LY75: variants seen among roughly 807,000 people sequenced by gnomAD.
LY75 encodes lymphocyte antigen 75.
In LY75, 185 loss-of-function variants were observed where a neutral mutation model predicts 231.7. The observed-to-expected ratio is 0.80, with a 90% CI of 0.71 to 0.90. LY75 has a LOEUF of 0.90. Among genes scored for constraint, LY75 ranks in the 40% least tolerant of loss-of-function variants. The pLI is 0.00. For missense variants in LY75, 1,947 were observed against 2,050.2 expected (o/e 0.95, Z 0.97); for synonymous variants, 668 against 689.0 (o/e 0.97, Z 0.48).
intron 18 of LY75, 144 bp from the exon 19 acceptor site, chr2:159,853,841 A>G (rs748747900): frequency 1.6e-5 from 17 of 1,071,090 alleles, no homozygotes; most frequent in East Asian, 1.3e-4. Context: ...ACAAACTAGA[A>G]CCTTTTGCCA....
intron 23 of LY75, among the ~76,000 whole-genome samples, chr2:159,844,345 T>G (rs931221790): frequency 5.8e-5 from 8 of 137,138 alleles, no homozygotes; most frequent in African/African-American, 2.2e-4. Flanking sequence ...AAAAAAAAAC[T>G]ATATGGCAAT....
intron 28 of LY75, among the ~76,000 whole-genome samples, chr2:159,829,634 G>C (rs1263412564): frequency 6.7e-5 from 6 of 89,966 alleles, no homozygotes; most frequent in African/African-American, 1.1e-4. Flanking sequence ...CCTTGTATAG[G>C]GGCCAAAAAA....
intron 7 of LY75, 155 bp from the exon 8 acceptor site, chr2:159,881,395 G>A: frequency 3.9e-6 from 2 of 514,440 alleles, no homozygotes; most frequent in Non-Finnish European, 5.0e-6. Flanking sequence ...CAGGCAGGTT[G>A]GGTAATGAAG....
At chr2:159,874,223 A>T (rs1302925051) in intron 12 of LY75, among the ~76,000 whole-genome samples, 2 of 25,952 alleles carry the variant, frequency 7.7e-5, no homozygotes, top group Non-Finnish European at 1.2e-4. Flanking sequence ...AATATATATA[A>T]ATATATTGTA....
intron 31 of LY75, among the ~76,000 whole-genome samples, chr2:159,811,715 G>C (rs1682967795): frequency 6.6e-6 from 1 of 152,140 alleles, no homozygotes; most frequent in Non-Finnish European, 1.5e-5. Flanking sequence ...GTGGCCCTTA[G>C]TTCCTTCTGC....
chr2:159,835,494 C>A lies in LY75; in HGVS notation c.3659G>T (p.Cys1220Phe), dbSNP rs1683790541. The change falls in exon 26 of 35, where the codon TGC becomes TTC. Residue 1220 changes from cysteine (C) to phenylalanine (F), a missense_variant. Physicochemically the swap from Cys to Phe is radical, Grantham distance 205. Coordinates refer to ENST00000263636, the MANE Select transcript of LY75 (RefSeq NM_002349.4). Reference sequence around the variant, plus strand: ...AATTCACATACTTCCTGAATAGTAGCAAATAGCACCTGGTTGATTGTCATT... The same window carrying A: ...AATTCACATACTTCCTGAATAGTAGAAAATAGCACCTGGTTGATTGTCATT... ...DCNDNQPGAI[C>F]YYSGNETEKE... is the part of the protein sequence containing the mutation. 2 of 1,602,816 alleles carry A rather than the reference C, an allele frequency of 1.2e-6. No homozygotes were observed. Among genetic ancestry groups the A allele is most frequent in the Non-Finnish European group, 1.7e-6 (2 of 1,175,728 alleles).
In LY75 at chr2:159,878,431, A is replaced by T. The variant is rs746056395; in HGVS notation, c.1667T>A (p.Phe556Tyr). ...KKYDKSLRKY[F>Y]WTGLRDVDSC... ...ATCTACATCTCTCAGGCCAGTCCAG[A>T]AGTATTTTCTTAGAGATTTATCATA... Residue 556 changes from phenylalanine (F) to tyrosine (Y), a missense_variant, in exon 11 of 35, where the codon TTC (phenylalanine) becomes TAC (tyrosine). Phe to Tyr is a conservative substitution (Grantham distance 22). Transcript: ENST00000263636. 3 of 1,614,076 alleles carry T rather than the reference A, an allele frequency of 1.9e-6. No individual in the cohort carries two copies. In the East Asian group the frequency reaches 6.7e-5, roughly 36 times the overall value.
At chr2:159,844,507 T>TG (rs1257570926) in intron 23 of LY75, among the ~76,000 whole-genome samples, 3 of 152,098 alleles carry the variant, frequency 2.0e-5, no homozygotes, top group African/African-American at 7.2e-5. Context: ...TCTACAATGG[T>TG]GGCTACTACT....
At chr2:159,843,090 T>A (rs1367964601) in intron 23 of LY75, among the ~76,000 whole-genome samples, 1 of 152,052 alleles carries the variant, frequency 6.6e-6, no homozygotes, top group Non-Finnish European at 1.5e-5. Context: ...TATTATTAAA[T>A]ATATTCTCTT....
In LY75 at chr2:159,860,763, C is replaced by T. The variant is rs1168564545; in HGVS notation, c.2268+58G>A. On this transcript the variant is annotated intron_variant, in intron 15 of 34. Coordinates refer to ENST00000263636, the MANE Select transcript of LY75 (RefSeq NM_002349.4). ...GACACTCCATGGATCTGTTACTTGA[C>T]TGCATATGATGATGGACTTATGTTT... 8 of 1,593,450 alleles carry T rather than the reference C, an allele frequency of 5.0e-6. No individual in the cohort carries two copies. The African/African-American group carries it at 9.4e-5, about 19-fold the overall frequency.
intron 28 of LY75, among the ~76,000 whole-genome samples, chr2:159,823,252 T>C (rs745596387): frequency 6.6e-5 from 10 of 152,002 alleles, no homozygotes; most frequent in Non-Finnish European, 1.2e-4. Context: ...AGAAGAACAT[T>C]AGTGACCTGA....
chr2:159,885,142 G>A lies in LY75; in HGVS notation c.1054+11C>T. On this transcript the variant is annotated intron_variant, in intron 6 of 34. Coordinates refer to ENST00000263636, the MANE Select transcript of LY75 (RefSeq NM_002349.4). ...TATTTGTCTATTTGTATGAGTATGT[G>A]AGAAAGATACCTGTTAACTCCACTG... 1 of 1,611,088 alleles carries A rather than the reference G, an allele frequency of 6.2e-7. No homozygotes were observed. The highest frequency in any genetic ancestry group is 8.5e-7 in the Non-Finnish European group (1 of 1,178,430).
At chr2:159,886,172 T>G (rs1685575993) in intron 5 of LY75, among the ~76,000 whole-genome samples, 1 of 152,184 alleles carries the variant, frequency 6.6e-6, no homozygotes, top group Admixed American at 6.6e-5. Context: ...CTCATTTTGC[T>G]CTTACATAAA....
chr2:159,904,718 G>A lies in LY75; in HGVS notation c.-36C>T. The A allele has an allele frequency of 2.2e-6, 3 of 1,387,458 alleles. No homozygotes were observed. The highest frequency in any genetic ancestry group is 1.6e-5 in the South Asian group (1 of 62,178). 85.9% of individuals were successfully genotyped at this position (1,387,458 alleles called of 1,614,324 possible). On this transcript the variant is annotated 5_prime_UTR_variant, in exon 1 of 35. Transcript: ENST00000263636. ...CGCAAGCCTTCCGGCCGGGTCCTCG[G>A]GCGCACGCGGCTCCCGCCCCGCCTG...
In LY75 at chr2:159,847,962, T is replaced by C. The variant is rs572287357; in HGVS notation, c.3150+2018A>G. Reference sequence around the variant, plus strand: ...CACCCAGCACTGGTTAGGTAAATGATGGCATATCAATCAAGAAATATTGTG... The same window carrying C: ...CACCCAGCACTGGTTAGGTAAATGACGGCATATCAATCAAGAAATATTGTG... On this transcript the variant is annotated intron_variant, in intron 23 of 34. Transcript: ENST00000263636. 9.2e-5 allele frequency among the ~76,000 whole-genome samples: 14 copies of C among 151,782 alleles called. No homozygotes were observed. In the East Asian group the frequency reaches 2.3e-3, roughly 25 times the overall value.
intron 12 of LY75, among the ~76,000 whole-genome samples, chr2:159,874,627 GTAA>G (rs1685171130): frequency 1.0e-3 from 5 of 5,024 alleles, no homozygotes; most frequent in African/African-American, 1.8e-3. Flanking sequence ...TATATATATA[GTAA>G]ATATATGTAA....
chr2:159,874,223 AATATATTGTAAATAT>A (rs200220603), intron 12 of LY75, among the ~76,000 whole-genome samples: 1,385 of 25,744 alleles, frequency 0.054, 95 homozygotes, highest in East Asian at 0.087. Context: ...AATATATATA[AATATATTGTAAATAT>A]ATATATTGTA....
chr2:159,832,260 G>T (rs1406315483), intron 27 of LY75, among the ~76,000 whole-genome samples: 5 of 152,224 alleles, frequency 3.3e-5, no homozygotes, highest in African/African-American at 1.2e-4. Flanking sequence ...TACAGCAGGA[G>T]GTGAGCAGCA....
At chr2:159,904,410 G>A (rs76270079) in intron 1 of LY75, among the ~76,000 whole-genome samples, 179 bp downstream of exon 1, 7,992 of 152,304 alleles carry the variant, frequency 0.052, 508 homozygotes, top group African/African-American at 0.16. Context: ...GGGCACTGGG[G>A]CGCTTCCTCT....
Sources: allele counts gnomAD v4.1 joint callset (sites outside exome capture counted in the v4.1 genomes callset), GRCh38; gene constraint gnomAD v4.1.1; transcripts MANE v1.5; gene names NCBI Gene and HGNC (gene_info 2026-07-23, HGNC 2026-07-21).